LAMA2: variants seen among roughly 807,000 people sequenced by gnomAD.
LAMA2 encodes the protein laminin subunit alpha 2, also known as laminin subunit alpha-2.
In LAMA2, 269 loss-of-function variants were observed where a neutral mutation model predicts 364.8. The observed-to-expected ratio is 0.74, with a 90% CI of 0.67 to 0.82. The LOEUF (loss-of-function observed/expected upper bound fraction) is 0.82. Ranked by LOEUF, LAMA2 falls within the 40% of genes least tolerant of loss-of-function variation. LAMA2 has a pLI of 0.00. For missense variants in LAMA2, 3,807 were observed against 3,873.2 expected (o/e 0.98, Z 0.45); for synonymous variants, 1,379 against 1,370.6 (o/e 1.01, Z -0.14).
At chr6:129,424,414 A>T (rs1402367043) in intron 40 of LAMA2, among the ~76,000 whole-genome samples, 2 of 151,894 alleles carry the variant, frequency 1.3e-5, no homozygotes, top group African/African-American at 4.8e-5. Flanking sequence ...TTCAAAAAAA[A>T]AAAAGCACTT....
intron 60 of LAMA2, among the ~76,000 whole-genome samples, chr6:129,504,025 A>G (rs909843288): frequency 1.3e-5 from 2 of 152,236 alleles, no homozygotes; most frequent in African/African-American, 4.8e-5. Context: ...GCGATAGCCT[A>G]TTAAAGCAAA....
At chr6:129,358,087 T>C (rs1433674033) in intron 32 of LAMA2, among the ~76,000 whole-genome samples, 1 of 152,090 alleles carries the variant, frequency 6.6e-6, no homozygotes, top group African/African-American at 2.4e-5. Context: ...TGTGTCATGT[T>C]GTTCACATCC....
At chr6:129,398,379 CT>C (rs1779773945) in intron 37 of LAMA2, among the ~76,000 whole-genome samples, 1 of 151,942 alleles carries the variant, frequency 6.6e-6, no homozygotes, top group East Asian at 1.9e-4. Flanking sequence ...AAAACTTCCC[CT>C]GAATTAGTGA....
intron 4 of LAMA2, among the ~76,000 whole-genome samples, chr6:129,112,981 T>C (rs1776245064): frequency 6.6e-6 from 1 of 152,046 alleles, no homozygotes; most frequent in Non-Finnish European, 1.5e-5. Context: ...ACAAAACACC[T>C]GCCTTGCAGA....
At chr6:129,224,404 G>A (rs1295104113) in intron 12 of LAMA2, among the ~76,000 whole-genome samples, 3 of 152,160 alleles carry the variant, frequency 2.0e-5, no homozygotes, top group Non-Finnish European at 2.9e-5. Context: ...TGGTGAGAGA[G>A]GGCATCCCTG....
chr6:129,269,267 T>C (rs185663592), intron 16 of LAMA2, among the ~76,000 whole-genome samples: 54 of 152,156 alleles, frequency 3.5e-4, no homozygotes, highest in Non-Finnish European at 5.6e-4. Flanking sequence ...CTTCTTCTCA[T>C]AGTTCTTGTG....
chr6:129,245,472 G>T (rs957543431), intron 12 of LAMA2, among the ~76,000 whole-genome samples: 37 of 152,006 alleles, frequency 2.4e-4, no homozygotes, highest in African/African-American at 8.9e-4. Context: ...TCCCCAAAAT[G>T]AACTAATTTG....
At chr6:129,402,904 G>T (rs1425847201) in intron 39 of LAMA2, among the ~76,000 whole-genome samples, 2 of 152,108 alleles carry the variant, frequency 1.3e-5, no homozygotes, top group Non-Finnish European at 2.9e-5. Context: ...TGAAAATTTG[G>T]CCCCATACGT....
intron 10 of LAMA2, among the ~76,000 whole-genome samples, chr6:129,189,731 G>A (rs1781422561): frequency 6.6e-6 from 1 of 152,094 alleles, no homozygotes. Context: ...AATGTGAAAA[G>A]TATTTATAAC....
chr6:129,507,132 A>C lies in LAMA2; in HGVS notation c.8704-357A>C, dbSNP rs1017363371. ...AAAATGGGTATATAGTAAGGTTAAT[A>C]AACTATTAATAGAAACATAAAATCA... On this transcript the variant is annotated intron_variant, in intron 61 of 64. Transcript: ENST00000421865. Among the ~76,000 whole-genome samples the C allele has an allele frequency of 4.5e-5, 6 of 132,102 alleles. 1 individual carries two copies. The Admixed American group carries it at 4.7e-4, about 10-fold the overall frequency. The allele number at this position is 132,102 out of a possible 152,430, so 86.7% of individuals were successfully genotyped here. A position where few individuals can be genotyped will look rare whatever the true frequency, so the allele number is the denominator to read the frequency against.
chr6:129,018,257 G>T (rs988724011), intron 1 of LAMA2, among the ~76,000 whole-genome samples: 6 of 151,928 alleles, frequency 3.9e-5, no homozygotes, highest in Admixed American at 3.3e-4. Context: ...TTAAAATAGA[G>T]GACATGATGA....
chr6:129,213,591 A>G (rs1191795513), intron 12 of LAMA2, among the ~76,000 whole-genome samples: 1 of 152,194 alleles, frequency 6.6e-6, no homozygotes, highest in Non-Finnish European at 1.5e-5. Flanking sequence ...GTAGTGGTAT[A>G]TCGTTGTTTT....
At chr6:129,247,682 C>A (rs1159711576) in intron 12 of LAMA2, among the ~76,000 whole-genome samples, 1 of 152,060 alleles carries the variant, frequency 6.6e-6, no homozygotes, top group Non-Finnish European at 1.5e-5. Flanking sequence ...TCGCTCATGA[C>A]AATTTTCAGG....
At chr6:129,337,579 T>C (rs966674227) in intron 29 of LAMA2, among the ~76,000 whole-genome samples, 6 of 152,148 alleles carry the variant, frequency 3.9e-5, no homozygotes, top group African/African-American at 1.4e-4. Flanking sequence ...ATTCATGCAT[T>C]TAATGATATC....
chr6:129,346,831 G>C (rs1776582876), intron 30 of LAMA2, among the ~76,000 whole-genome samples: 1 of 152,156 alleles, frequency 6.6e-6, no homozygotes, highest in Admixed American at 6.6e-5. Context: ...GAGACTCAAG[G>C]AACTTAGAGT....
At position 129,491,889 on chromosome 6, in the gene LAMA2, A is replaced by G; in HGVS notation, c.7899-12A>G. 1 of 1,591,140 alleles carries G rather than the reference A, an allele frequency of 6.3e-7. No homozygotes were observed. Among genetic ancestry groups the G allele is most frequent in the Non-Finnish European group, 8.6e-7 (1 of 1,159,804 alleles). ...TGTGACTTATACTTGTTTATTTTTAATATTTTATCAGCATCTTTACAGTTC... is the reference window on the plus strand; with the variant it reads ...TGTGACTTATACTTGTTTATTTTTAGTATTTTATCAGCATCTTTACAGTTC... On this transcript the variant is annotated splice_polypyrimidine_tract_variant and intron_variant, in intron 56 of 64. Transcript: ENST00000421865.
chr6:128,985,311 T>G (rs897754582), intron 1 of LAMA2, among the ~76,000 whole-genome samples: 12 of 152,266 alleles, frequency 7.9e-5, no homozygotes, highest in African/African-American at 2.9e-4. Flanking sequence ...CACCATGCAG[T>G]TTAAAACTAT....
chr6:129,311,165 A>T (rs1277242451), intron 22 of LAMA2, among the ~76,000 whole-genome samples: 1 of 151,576 alleles, frequency 6.6e-6, no homozygotes, highest in African/African-American at 2.4e-5. Flanking sequence ...TCTGTCGCCT[A>T]GGCTGGAGTG....
Position 128,926,410 on chromosome 6 carries a change from A to G in LAMA2, c.112+43053A>G, listed in dbSNP as rs189499421. Among the ~76,000 whole-genome samples, 17 of 152,310 alleles carry G rather than the reference A, an allele frequency of 1.1e-4. No homozygotes were observed. The East Asian group carries it at 3.3e-3, about 29-fold the overall frequency. On this transcript the variant is annotated intron_variant, in intron 1 of 64. Transcript: ENST00000421865. ...CCCAAATTTATAATCCCCAGAGGTA[A>G]CTCAGATATGTATAATTCTTTAATA...
Sources: gnomAD v4.1 joint callset for allele counts (sites outside exome capture counted in the v4.1 genomes callset) on GRCh38, gnomAD v4.1.1 for gene constraint, MANE v1.5 for transcripts, NCBI Gene and HGNC (gene_info 2026-07-23, HGNC 2026-07-21) for gene names.